TMTC3: variants seen among roughly 807,000 people sequenced by gnomAD.
The protein encoded by TMTC3 is transmembrane O-mannosyltransferase targeting cadherins 3.
TMTC3 carries 52 observed loss-of-function variants against 92.2 expected under a neutral mutation model. The observed-to-expected ratio is 0.56, with a 90% CI of 0.45 to 0.71. TMTC3 has a LOEUF of 0.71. TMTC3 is among the 30% of genes least tolerant of loss of function. TMTC3 has a pLI of 0.00. For synonymous variants in TMTC3, 339 were observed against 363.3 expected (o/e 0.93, Z 0.76); for missense variants, 896 against 1,057.1 (o/e 0.85, Z 2.11).
At chr12:88,167,946 A>T (rs1307755176) in intron 7 of TMTC3, among the ~76,000 whole-genome samples, 1 of 152,184 alleles carries the variant, frequency 6.6e-6, no homozygotes, top group Non-Finnish European at 1.5e-5. Context: ...TCTGTCAAAG[A>T]TGGTAGCTGT....
At chr12:88,148,566 A>T (rs768624152) in intron 2 of TMTC3, 62 bp downstream of exon 2, 10 of 1,211,694 alleles carry the variant, frequency 8.3e-6, no homozygotes, top group Non-Finnish European at 1.2e-5. Flanking sequence ...CTGGTATTTT[A>T]TTACTTCTAA....
rs923719367 is a variant in TMTC3 at position 88,198,431 on chromosome 12, C to T, written c.*2782C>T. On this transcript the variant is annotated 3_prime_UTR_variant, in exon 14 of 14. Coordinates refer to ENST00000266712, the MANE Select transcript of TMTC3 (RefSeq NM_181783.4). ...AAAAGCTTTGACAATCCCCAAGGGG[C>T]AGTGTTACCTTACTCCTTCACTGCT... 7.5e-6 allele frequency: 3 copies of T among 397,962 alleles called. No homozygotes were observed. The highest frequency in any genetic ancestry group is 6.2e-5 in the African/African-American group (3 of 48,600). The allele number at this position is 397,962 out of a possible 1,614,324, so 24.7% of individuals were successfully genotyped here.
Position 88,164,684 on chromosome 12 carries a change from T to C in TMTC3, c.798-1646T>C, listed in dbSNP as rs150677796. ...AAATTTATACTATTTCCCTGTTCAA[T>C]TTTAAGTTATTGCCATTACATGCAA... On this transcript the variant is annotated intron_variant, in intron 6 of 13. Transcript: ENST00000266712. Among the ~76,000 whole-genome samples the C allele has an allele frequency of 3.2e-4, 49 of 152,338 alleles. No individual in the cohort carries two copies. In the East Asian group the frequency reaches 4.4e-3, roughly 14 times the overall value.
At chr12:88,192,871 T>C in intron 13 of TMTC3, 41 bp downstream of exon 13, 2 of 1,505,630 alleles carry the variant, frequency 1.3e-6, no homozygotes, top group Non-Finnish European at 1.8e-6. Context: ...TAAATTGTAG[T>C]TTATAATATA....
Position 88,166,464 on chromosome 12 carries a change from T to G in TMTC3, c.932T>G (p.Leu311Arg). 1 of 1,614,000 alleles carries G rather than the reference T, an allele frequency of 6.2e-7. No homozygotes were observed. Among genetic ancestry groups the G allele is most frequent in the Non-Finnish European group, 8.5e-7 (1 of 1,179,956 alleles). The part of the protein sequence containing the change: ...CCDWTMGTIP[L>R]IESLLDIRNL... ...GATTGGACCATGGGAACAATACCACTTATAGAGTCATTACTAGATATTCGA... is the reference window on the plus strand; with the variant it reads ...GATTGGACCATGGGAACAATACCACGTATAGAGTCATTACTAGATATTCGA... The change falls in exon 7 of 14, where the codon CTT becomes CGT. Residue 311 changes from leucine (L) to arginine (R), a missense_variant. Coordinates refer to ENST00000266712, the MANE Select transcript of TMTC3 (RefSeq NM_181783.4).
intron 4 of TMTC3, among the ~76,000 whole-genome samples, chr12:88,156,783 G>A (rs1052019360): frequency 4.8e-5 from 7 of 144,858 alleles, no homozygotes; most frequent in Admixed American, 7.0e-5. Flanking sequence ...AAATAACCTC[G>A]AAATGCTAAG....
At position 88,160,844 on chromosome 12, in the gene TMTC3, T is replaced by C; in HGVS notation, c.790T>C (p.Phe264Leu). Residue 264 changes from phenylalanine (F) to leucine (L), a missense_variant, in exon 6 of 14, where the codon TTC (phenylalanine) becomes CTC (leucine). Physicochemically the swap from Phe to Leu is conservative, Grantham distance 22. Coordinates refer to ENST00000266712, the MANE Select transcript of TMTC3 (RefSeq NM_181783.4). ...GGTTATTCAATCCCAACTTCCAGTA[T>C]TCACCAGGTATGAAATTCTGGTTCT... ...VQVIQSQLPV[F>L]TRFDNPAAVS... is the part of the protein sequence containing the mutation. 6.3e-7 allele frequency: 1 copy of C among 1,595,692 alleles called. No homozygotes were observed. The highest frequency in any genetic ancestry group is 8.5e-7 in the Non-Finnish European group (1 of 1,171,558).
At chr12:88,184,307 A>G (rs137986131) in intron 10 of TMTC3, among the ~76,000 whole-genome samples, 1 of 152,318 alleles carries the variant, frequency 6.6e-6, no homozygotes, top group East Asian at 1.9e-4. Context: ...GTGCATGAAT[A>G]ATCAAAGGTT....
intron 1 of TMTC3, among the ~76,000 whole-genome samples, chr12:88,143,662 T>C: frequency 6.6e-6 from 1 of 152,230 alleles, no homozygotes; most frequent in South Asian, 2.1e-4. Context: ...GTTTACTCAA[T>C]AATTTGAATT....
At chr12:88,179,346 T>C (rs969127345) in intron 10 of TMTC3, among the ~76,000 whole-genome samples, 111 of 152,176 alleles carry the variant, frequency 7.3e-4, no homozygotes, top group Non-Finnish European at 2.2e-4. Context: ...GATGGTTAGT[T>C]AAAAGTTTGG....
intron 1 of TMTC3, among the ~76,000 whole-genome samples, chr12:88,144,022 G>A (rs1019044963): frequency 5.3e-5 from 8 of 152,158 alleles, no homozygotes; most frequent in Non-Finnish European, 1.0e-4. Flanking sequence ...GGATGCTAAT[G>A]CATTATAATT....
intron 12 of TMTC3, 24 bp downstream of exon 12, chr12:88,190,646 A>G: frequency 6.2e-7 from 1 of 1,606,980 alleles, no homozygotes; most frequent in South Asian, 1.1e-5. Flanking sequence ...ACTTTAAGCT[A>G]TCATTATGGA....
chr12:88,166,811 T>G (rs1001285643), intron 7 of TMTC3, among the ~76,000 whole-genome samples: 4 of 152,192 alleles, frequency 2.6e-5, no homozygotes, highest in African/African-American at 9.7e-5. Flanking sequence ...CCAACTAGAT[T>G]ATACACTTTT....
chr12:88,169,426 A>G (rs893265612), intron 7 of TMTC3, among the ~76,000 whole-genome samples: 1 of 152,186 alleles, frequency 6.6e-6, no homozygotes, highest in African/African-American at 2.4e-5. Context: ...TTTTAAATGT[A>G]TATAAAAATG....
chr12:88,184,424 G>A (rs1323165959), intron 10 of TMTC3, among the ~76,000 whole-genome samples: 1 of 152,194 alleles, frequency 6.6e-6, no homozygotes, highest in Admixed American at 6.5e-5. Flanking sequence ...GCGGCCTTCA[G>A]CCATAATTCC....
Position 88,163,552 on chromosome 12 carries a change from C to A in TMTC3, c.797+2701C>A, listed in dbSNP as rs116004433. Reference sequence around the variant, plus strand: ...AATCAGTATGTCAGCACAATTGGTTCCTTCTGGAGGCTCTAAGGAAGAATT... The same window carrying A: ...AATCAGTATGTCAGCACAATTGGTTACTTCTGGAGGCTCTAAGGAAGAATT... On this transcript the variant is annotated intron_variant, in intron 6 of 13. Coordinates refer to ENST00000266712, the MANE Select transcript of TMTC3 (RefSeq NM_181783.4). 3.9e-3 allele frequency among the ~76,000 whole-genome samples: 601 copies of A among 152,238 alleles called. 5 individuals are homozygous for A. The highest frequency in any genetic ancestry group is 0.014 in the African/African-American group (574 of 41,550).
chr12:88,160,835 C>G lies in TMTC3; in HGVS notation c.781C>G (p.Leu261Val). The G allele has an allele frequency of 1.2e-6, 2 of 1,606,666 alleles. No individual in the cohort carries two copies. Among genetic ancestry groups the G allele is most frequent in the Non-Finnish European group, 1.7e-6 (2 of 1,176,922 alleles). The change falls in exon 6 of 14, where the codon CTT becomes GTT. Residue 261 changes from leucine (L) to valine (V), a missense_variant. Transcript: ENST00000266712. ...TAGAGTCCAGGTTATTCAATCCCAA[C>G]TTCCAGTATTCACCAGGTATGAAAT... ...VIRVQVIQSQ[L>V]PVFTRFDNPA...
chr12:88,163,456 A>G (rs527435642), intron 6 of TMTC3, among the ~76,000 whole-genome samples: 89 of 152,298 alleles, frequency 5.8e-4, no homozygotes, highest in African/African-American at 2.1e-3. Context: ...GCTGTAACAA[A>G]TAACTACAAA....
chr12:88,182,845 G>A (rs1308361730), intron 10 of TMTC3, among the ~76,000 whole-genome samples: 1 of 152,154 alleles, frequency 6.6e-6, no homozygotes, highest in Non-Finnish European at 1.5e-5. Flanking sequence ...ATTATTGATA[G>A]CTGGTATTGT....
Sources: allele counts gnomAD v4.1 joint callset (sites outside exome capture counted in the v4.1 genomes callset), GRCh38; gene constraint gnomAD v4.1.1; transcripts MANE v1.5; gene names NCBI Gene and HGNC (gene_info 2026-07-23, HGNC 2026-07-21).